ZNF676: variants seen among roughly 807,000 people sequenced by gnomAD.
The protein encoded by ZNF676 is zinc finger protein 676.
Under a neutral mutation model 6.0 loss-of-function variants are expected in ZNF676, and 4 were observed. The observed-to-expected ratio is 0.67, with a 90% CI of 0.33 to 1.53. The LOEUF (loss-of-function observed/expected upper bound fraction) is 1.53, where lower values mean the gene tolerates loss of function less well. ZNF676 is among the 40% of genes most tolerant of loss of function. The pLI, the probability that ZNF676 is intolerant of heterozygous loss-of-function variation, is 0.06. For synonymous variants in ZNF676, 198 were observed against 223.1 expected (o/e 0.89, Z 1.00); for missense variants, 644 against 679.7 (o/e 0.95, Z 0.58).
At chr19:22,224,716 G>A in the ZNF676 span, among the ~76,000 whole-genome samples, 1 of 152,038 alleles carries the variant, frequency 6.6e-6, no homozygotes, top group South Asian at 2.1e-4. Context: ...TTATGGCCAG[G>A]CATGGTAGTG....
the ZNF676 span, among the ~76,000 whole-genome samples, chr19:22,237,311 TA>T: frequency 5.9e-5 from 9 of 152,310 alleles, no homozygotes; most frequent in East Asian, 1.7e-3. Context: ...GCTGCAACAT[TA>T]AATGCAGTAT....
Position 22,180,819 on chromosome 19 carries a change from T to C in ZNF676, c.898A>G (p.Lys300Glu), listed in dbSNP as rs1471599875. 1 of 1,594,466 alleles carries C rather than the reference T, an allele frequency of 6.3e-7. No homozygotes were observed. The highest frequency in any genetic ancestry group is 1.3e-5 in the African/African-American group (1 of 74,310). Residue 300 changes from lysine to glutamate, a missense_variant, in exon 3 of 3, where the codon AAG becomes GAG. This residue lies in a region of ZNF676 where 28 missense variants were observed against 83.7 expected (regional missense o/e 0.33). Transcript: ENST00000397121. Reference sequence around the variant, plus strand: ...GGTTTCTCTCCAGTATGAATTCTCTTATGTTCCATGAGCTTTGAGGACGAG... The same window carrying C: ...GGTTTCTCTCCAGTATGAATTCTCTCATGTTCCATGAGCTTTGAGGACGAG... ...SNSSSKLMEHKRIHTGEKPYK... is the reference protein window; with the variant it reads ...SNSSSKLMEHERIHTGEKPYK...
Position 22,181,104 on chromosome 19 carries a change from C to A in ZNF676, c.613G>T (p.Ala205Ser), listed in dbSNP as rs769716448. The change falls in exon 3 of 3, where the codon GCC (alanine) becomes TCC (serine). Residue 205 changes from alanine to serine, a missense_variant. Transcript: ENST00000397121. ...GTAAGGATTGAGAACTTACTAAAGG[C>A]TTTGCCACATTCTTCACATTTGTAG... is the stretch of plus-strand genomic sequence containing the variant. ...KPYKCEECGK[A>S]FSKFSILTKH... is the part of the protein sequence containing the mutation. The A allele has an allele frequency of 1.6e-5, 25 of 1,612,568 alleles. No homozygotes were observed. The highest frequency in any genetic ancestry group is 4.4e-5 in the South Asian group (4 of 91,046).
chr19:22,191,738 G>C (rs2023909944), intron 2 of ZNF676, among the ~76,000 whole-genome samples: 1 of 152,120 alleles, frequency 6.6e-6, no homozygotes, highest in Non-Finnish European at 1.5e-5. Flanking sequence ...CAAGCCCCTT[G>C]TAATAAGCCA....
At chr19:22,256,105 T>C in the ZNF676 span, among the ~76,000 whole-genome samples, 1 of 152,076 alleles carries the variant, frequency 6.6e-6, no homozygotes, top group Non-Finnish European at 1.5e-5. Flanking sequence ...TAGGTGAGAG[T>C]GTGGTAATCC....
upstream of ZNF676, among the ~76,000 whole-genome samples, chr19:22,220,468 T>TGG (rs149805559): frequency 6.8e-6 from 1 of 147,798 alleles, no homozygotes; most frequent in Non-Finnish European, 1.5e-5. Flanking sequence ...GCAGTTTTTT[T>TGG]TTTTTTTTTT....
chr19:22,200,515 A>ATTTTTTT (rs3035052), upstream of ZNF676, among the ~76,000 whole-genome samples: 4,909 of 105,654 alleles, frequency 0.046, 336 homozygotes, highest in Non-Finnish European at 0.057. Context: ...TGCTTCATCA[A>ATTTTTTT]TTTTTTTTTT....
At chr19:22,242,225 C>G in the ZNF676 span, among the ~76,000 whole-genome samples, 4 of 151,938 alleles carry the variant, frequency 2.6e-5, no homozygotes, top group Non-Finnish European at 5.9e-5. Context: ...ATGGTCACAT[C>G]ACATGAGTGC....
the ZNF676 span, among the ~76,000 whole-genome samples, chr19:22,234,955 A>C: frequency 1.4e-5 from 2 of 146,432 alleles, no homozygotes; most frequent in African/African-American, 2.5e-5. Context: ...AGAAAGAAAG[A>C]AAGCAAGAGA....
upstream of ZNF676, among the ~76,000 whole-genome samples, chr19:22,199,298 C>T (rs2024001448): frequency 6.6e-6 from 1 of 152,194 alleles, no homozygotes; most frequent in Non-Finnish European, 1.5e-5. Context: ...TGAGGCAGAA[C>T]ACAGATACTT....
the ZNF676 span, among the ~76,000 whole-genome samples, chr19:22,232,871 A>G: frequency 2.6e-5 from 4 of 152,170 alleles, no homozygotes; most frequent in Non-Finnish European, 5.9e-5. Flanking sequence ...TTCAATGTAA[A>G]CTACAGATTT....
At chr19:22,251,086 C>A in the ZNF676 span, among the ~76,000 whole-genome samples, 5 of 152,174 alleles carry the variant, frequency 3.3e-5, no homozygotes, top group Admixed American at 2.6e-4. Flanking sequence ...ATTCACCCAA[C>A]TCACAGGTAT....
the ZNF676 span, among the ~76,000 whole-genome samples, chr19:22,222,919 G>A: frequency 3.3e-5 from 5 of 152,234 alleles, no homozygotes; most frequent in East Asian, 7.7e-4. Flanking sequence ...ACATCAGGAT[G>A]TGGATGAGGA....
At chr19:22,251,816 A>G in the ZNF676 span, among the ~76,000 whole-genome samples, 1 of 151,410 alleles carries the variant, frequency 6.6e-6, no homozygotes, top group East Asian at 1.9e-4. Context: ...CCGGATCACT[A>G]ATCTAATTCT....
At chr19:22,209,203 A>G (rs550540235) in intron 1 of ZNF676, among the ~76,000 whole-genome samples, 2 of 152,256 alleles carry the variant, frequency 1.3e-5, no homozygotes, top group African/African-American at 4.8e-5. Context: ...TGGAGGTTGC[A>G]GTGAACTGAG....
chr19:22,235,104 T>TCAGGAAGG, the ZNF676 span, among the ~76,000 whole-genome samples: 1 of 96,650 alleles, frequency 1.0e-5, no homozygotes, highest in African/African-American at 5.4e-5. Flanking sequence ...AAGAAGGAAG[T>TCAGGAAGG]CAGGAAGGCA....
chr19:22,194,258 G>C (rs958162077), intron 1 of ZNF676, among the ~76,000 whole-genome samples: 2 of 152,148 alleles, frequency 1.3e-5, no homozygotes, highest in Admixed American at 1.3e-4. Context: ...ATGGCTGCAA[G>C]AGGCAGTGTG....
the ZNF676 span, among the ~76,000 whole-genome samples, chr19:22,229,012 T>C: frequency 8.5e-5 from 13 of 152,150 alleles, no homozygotes; most frequent in African/African-American, 3.1e-4. Flanking sequence ...TTAAATTTCA[T>C]ATGGAACCAA....
At chr19:22,200,456 T>C (rs1441674042), upstream of ZNF676, among the ~76,000 whole-genome samples, 2 of 151,910 alleles carry the variant, frequency 1.3e-5, no homozygotes, top group Non-Finnish European at 2.9e-5. Context: ...CAACCATTTT[T>C]CCAGTTGTTA....
Sources: gnomAD v4.1 joint callset for allele counts (sites outside exome capture counted in the v4.1 genomes callset) on GRCh38, gnomAD v4.1.1 for gene constraint, gnomAD v4.1.1 regional missense constraint, MANE v1.5 for transcripts, NCBI Gene and HGNC (gene_info 2026-07-23, HGNC 2026-07-21) for gene names.